Variants in SPAG9 observed in about 807,000 individuals in gnomAD.
SPAG9 encodes the protein sperm associated antigen 9.
A neutral mutation model predicts 166.5 loss-of-function variants in SPAG9; 35 were observed. The observed-to-expected ratio is 0.21, with a 90% CI of 0.16 to 0.28. The LOEUF is 0.28. Ranked by LOEUF, SPAG9 falls within the 10% of genes least tolerant of loss-of-function variation. The probability of loss-of-function intolerance (pLI) is 1.00; values close to 1 mark genes in which losing one functional copy is unlikely to be tolerated. For missense variants in SPAG9, 1,235 were observed against 1,603.3 expected (o/e 0.77, Z 3.92); for synonymous variants, 534 against 565.5 (o/e 0.94, Z 0.79).
In SPAG9 at chr17:50,990,503, G is replaced by A. The variant is rs1210880827; in HGVS notation, c.2564C>T (p.Ala855Val). The A allele has an allele frequency of 6.2e-7, 1 of 1,614,232 alleles. No individual in the cohort carries two copies. The highest frequency in any genetic ancestry group is 8.5e-7 in the Non-Finnish European group (1 of 1,180,030). Reference protein sequence around the residue: ...VGCSAEGVTGAATSPSTNGAS... With the variant: ...VGCSAEGVTGVATSPSTNGAS... ...ACCATTTGTACTAGGGGAAGTGGCAGCTCCCGTCACACCTTCTGCAGAACA... is the reference window on the plus strand; with the variant it reads ...ACCATTTGTACTAGGGGAAGTGGCAACTCCCGTCACACCTTCTGCAGAACA... Residue 855 changes from alanine to valine, a missense_variant, in exon 20 of 30, where the codon GCT (alanine) becomes GTT (valine). Around this residue, in one of 6 missense-constraint regions of SPAG9, gnomAD observed 493 missense variants for 559.4 expected, o/e 0.88. Coordinates refer to ENST00000262013, the MANE Select transcript of SPAG9 (RefSeq NM_001130528.3).
chr17:51,102,606 G>A (rs1040121792), intron 1 of SPAG9, among the ~76,000 whole-genome samples: 1 of 151,420 alleles, frequency 6.6e-6, no homozygotes, highest in Non-Finnish European at 1.5e-5. Context: ...GGGTTCAAGC[G>A]ATTCTCCTGC....
At chr17:51,018,359 A>C (rs1413678135) in intron 8 of SPAG9, among the ~76,000 whole-genome samples, 2 of 151,830 alleles carry the variant, frequency 1.3e-5, no homozygotes, top group Non-Finnish European at 2.9e-5. Flanking sequence ...GCAAGACTGC[A>C]TCTCAAAAAA....
rs1567969364 is a variant in SPAG9 at position 50,990,488 on chromosome 17, C to T, written c.2579G>A (p.Ser860Asn). 3 of 1,614,176 alleles carry T rather than the reference C, an allele frequency of 1.9e-6. No homozygotes were observed. Among genetic ancestry groups the T allele is most frequent in the South Asian group, 2.2e-5 (2 of 91,086 alleles). ...EGVTGAATSP[S>N]TNGASPVMDK... ...CATCACTGGAGAAGCACCATTTGTA[C>T]TAGGGGAAGTGGCAGCTCCCGTCAC... is the stretch of plus-strand genomic sequence containing the variant. Residue 860 changes from serine (S) to asparagine (N), a missense_variant, in exon 20 of 30, where the codon AGT becomes AAT. Physicochemically the swap from Ser to Asn is conservative, Grantham distance 46. Around this residue, in one of 6 missense-constraint regions of SPAG9, gnomAD observed 493 missense variants for 559.4 expected, o/e 0.88. Coordinates refer to ENST00000262013, the MANE Select transcript of SPAG9 (RefSeq NM_001130528.3).
chr17:51,077,069 GCTATCTAGCTATCTAGCTAGCTATCTAT>G (rs1174628940), intron 2 of SPAG9, among the ~76,000 whole-genome samples: 30 of 120,994 alleles, frequency 2.5e-4, no homozygotes, highest in Middle Eastern at 4.1e-3. Context: ...TATCTAGCTA[GCTATCTAGCTATCTAGCTAGCTATCTAT>G]CTAGCTAGCT....
rs72826414 is a variant in SPAG9, at chr17:51,024,037, T to C, written c.784-2672A>G. Among the ~76,000 whole-genome samples the C allele has an allele frequency of 6.9e-3, 1,049 of 152,308 alleles. 6 individuals carry two copies. Among genetic ancestry groups the C allele is most frequent in the Non-Finnish European group, 0.012 (783 of 68,022 alleles). On this transcript the variant is annotated intron_variant, in intron 6 of 29. Transcript: ENST00000262013. ...GCAGCCAGGCTCGGTGGCTCACGCC[T>C]GAAATCCCGACATTTTGGGAGGCCC...
intron 1 of SPAG9, among the ~76,000 whole-genome samples, chr17:51,095,751 T>C (rs867680968): frequency 2.8e-5 from 4 of 141,722 alleles, no homozygotes; most frequent in Non-Finnish European, 6.3e-5. Context: ...TAGTGATATA[T>C]ATATAGTGAT....
intron 9 of SPAG9, chr17:51,007,715 A>C: frequency 5.5e-6 from 2 of 366,248 alleles, no homozygotes; most frequent in South Asian, 4.3e-5. Context: ...ATATGGATCG[A>C]AATTGTTTCT....
intron 21 of SPAG9, among the ~76,000 whole-genome samples, chr17:50,987,712 G>T (rs1485158698): frequency 1.3e-5 from 2 of 152,098 alleles, no homozygotes; most frequent in Non-Finnish European, 2.9e-5. Context: ...CTTATTTTGG[G>T]TTTTGTCATA....
At chr17:50,969,011 C>A (rs576602924) in intron 29 of SPAG9, among the ~76,000 whole-genome samples, 12 of 151,834 alleles carry the variant, frequency 7.9e-5, no homozygotes, top group Non-Finnish European at 1.6e-4. Context: ...CGGCTCACTG[C>A]AACCTCCACC....
intron 1 of SPAG9, among the ~76,000 whole-genome samples, chr17:51,095,988 TAGTG>T (rs1200309331): frequency 9.5e-6 from 1 of 105,272 alleles, no homozygotes; most frequent in East Asian, 2.7e-4. Context: ...TATATATATA[TAGTG>T]ATATATATAT....
intron 1 of SPAG9, among the ~76,000 whole-genome samples, chr17:51,105,884 G>C (rs1199896322): frequency 6.6e-6 from 1 of 151,120 alleles, no homozygotes; most frequent in East Asian, 2.0e-4. Context: ...AAGAGAAAAA[G>C]AAAAAACACT....
chr17:50,997,566 CATT>C (rs1567978318), intron 15 of SPAG9, among the ~76,000 whole-genome samples: 1 of 151,832 alleles, frequency 6.6e-6, no homozygotes, highest in Non-Finnish European at 1.5e-5. Flanking sequence ...AATAATTTGC[CATT>C]ATTTTGGCCA....
intron 1 of SPAG9, among the ~76,000 whole-genome samples, chr17:51,104,071 G>A (rs1330781666): frequency 6.6e-6 from 1 of 152,144 alleles, no homozygotes; most frequent in Non-Finnish European, 1.5e-5. Flanking sequence ...GAAGAGTTAG[G>A]GATGGTAACC....
intron 1 of SPAG9, among the ~76,000 whole-genome samples, chr17:51,097,615 A>C (rs1053326843): frequency 1.3e-5 from 2 of 152,092 alleles, no homozygotes; most frequent in African/African-American, 4.8e-5. Context: ...AAGCACAGGT[A>C]AAATAACCTG....
In SPAG9 at chr17:50,966,403, A is replaced by C. The variant is rs1465588712; in HGVS notation, c.3851-16T>G. 1 of 1,442,646 alleles carries C rather than the reference A, an allele frequency of 6.9e-7. No individual in the cohort carries two copies. The highest frequency in any genetic ancestry group is 9.8e-7 in the Non-Finnish European group (1 of 1,023,690). 89.4% of individuals were successfully genotyped at this position (1,442,646 alleles called of 1,614,324 possible). A position where few individuals can be genotyped will look rare whatever the true frequency, so the allele number is the denominator to read the frequency against. ...CCTTCATCACCTAGTGAATGATAAG[A>C]AGACTCAAGTTAGGCTGAACACATA... On this transcript the variant is annotated splice_polypyrimidine_tract_variant and intron_variant, in intron 29 of 29. Transcript: ENST00000262013.
At chr17:51,060,452 G>A (rs1027779913) in intron 2 of SPAG9, among the ~76,000 whole-genome samples, 2 of 149,276 alleles carry the variant, frequency 1.3e-5, no homozygotes, top group Non-Finnish European at 3.0e-5. Flanking sequence ...GCCGTGAGCT[G>A]AGACTGTACC....
intron 2 of SPAG9, among the ~76,000 whole-genome samples, chr17:51,060,254 C>G (rs1451804750): frequency 6.6e-6 from 1 of 151,982 alleles, no homozygotes. Flanking sequence ...CCTGTAATCC[C>G]AGCACTTTGG....
intron 27 of SPAG9, among the ~76,000 whole-genome samples, chr17:50,976,261 T>C (rs180718931): frequency 1.1e-4 from 16 of 152,284 alleles, no homozygotes; most frequent in African/African-American, 3.8e-4. Context: ...ACAAATCCTG[T>C]TCCAATAACT....
chr17:51,056,629 T>G (rs955211259), intron 2 of SPAG9, 147 bp from the exon 3 acceptor site: 73 of 594,940 alleles, frequency 1.2e-4, no homozygotes, highest in Non-Finnish European at 2.0e-4. Flanking sequence ...AGCAGTGACC[T>G]CATTTCATTA....
Sources: gnomAD v4.1 joint callset for allele counts (sites outside exome capture counted in the v4.1 genomes callset) on GRCh38, gnomAD v4.1.1 for gene constraint, gnomAD v4.1.1 regional missense constraint, MANE v1.5 for transcripts, NCBI Gene and HGNC (gene_info 2026-07-23, HGNC 2026-07-21) for gene names.